TSGA10: variants seen among roughly 807,000 people sequenced by gnomAD.
The protein encoded by TSGA10 is testis specific 10.
TSGA10 carries 43 observed loss-of-function variants against 96.6 expected under a neutral mutation model. The observed-to-expected ratio is 0.44, with a 90% CI of 0.35 to 0.57. TSGA10 has a LOEUF of 0.57. Among genes scored for constraint, TSGA10 ranks in the 20% least tolerant of loss-of-function variants. TSGA10 has a pLI of 0.01. For missense variants in TSGA10, 703 were observed against 834.4 expected (o/e 0.84, Z 1.94); for synonymous variants, 229 against 269.9 (o/e 0.85, Z 1.48).
At chr2:99,034,070 T>C (rs1394264577) in intron 17 of TSGA10, among the ~76,000 whole-genome samples, 2 of 152,170 alleles carry the variant, frequency 1.3e-5, no homozygotes, top group African/African-American at 4.8e-5. Flanking sequence ...TTTGTGAATA[T>C]GCTAGGTGAA....
intron 17 of TSGA10, among the ~76,000 whole-genome samples, chr2:99,032,990 C>T (rs897951411): frequency 6.6e-6 from 1 of 152,228 alleles, no homozygotes; most frequent in Non-Finnish European, 1.5e-5. Context: ...TGCCAACCAA[C>T]ATCACAGTTG....
At chr2:99,041,231 C>T (rs1026850063) in intron 16 of TSGA10, among the ~76,000 whole-genome samples, 3 of 152,232 alleles carry the variant, frequency 2.0e-5, no homozygotes, top group African/African-American at 7.2e-5. Context: ...TTTTCCTTTG[C>T]TCAAGTGTGC....
intron 12 of TSGA10, among the ~76,000 whole-genome samples, chr2:99,075,043 T>TA (rs929916343): frequency 6.0e-5 from 9 of 151,202 alleles, no homozygotes; most frequent in East Asian, 5.8e-4. Flanking sequence ...AAGTGCATCT[T>TA]AAAAAAAAAT....
At chr2:99,138,120 T>C (rs773860675) in intron 1 of TSGA10, among the ~76,000 whole-genome samples, 1 of 152,224 alleles carries the variant, frequency 6.6e-6, no homozygotes, top group Non-Finnish European at 1.5e-5. Flanking sequence ...GCAGCCTGAA[T>C]GGACTAAGAT....
rs759778405 is a variant in TSGA10 at position 99,018,492 on chromosome 2, T to C, written c.1922+44A>G. ...GTTACCTAAGAAACAATGCTTTCCATGCTGAAAAGCATTGTTTTTGAGCTT... is the reference window on the plus strand; with the variant it reads ...GTTACCTAAGAAACAATGCTTTCCACGCTGAAAAGCATTGTTTTTGAGCTT... On this transcript the variant is annotated intron_variant, in intron 19 of 20. Coordinates refer to ENST00000393483, the MANE Select transcript of TSGA10 (RefSeq NM_025244.4). 1.9e-6 allele frequency: 3 copies of C among 1,583,462 alleles called. No homozygotes were observed. In the Admixed American group the frequency reaches 5.3e-5, roughly 28 times the overall value.
intron 20 of TSGA10, 129 bp downstream of exon 20, chr2:99,018,071 A>T: frequency 1.3e-6 from 1 of 773,662 alleles, no homozygotes; most frequent in East Asian, 2.8e-5. Flanking sequence ...TTATATCAAT[A>T]TATCTTGGTA....
intron 16 of TSGA10, among the ~76,000 whole-genome samples, chr2:99,055,102 A>T (rs373765481): frequency 6.6e-6 from 1 of 152,200 alleles, no homozygotes; most frequent in East Asian, 1.9e-4. Context: ...TATGGAATCA[A>T]CCTAAGTGTC....
At chr2:99,005,443 G>C (rs2078377997) in intron 20 of TSGA10, among the ~76,000 whole-genome samples, 1 of 152,154 alleles carries the variant, frequency 6.6e-6, no homozygotes, top group African/African-American at 2.4e-5. Flanking sequence ...CTTCAGCAAA[G>C]TCTCAGGATA....
At chr2:99,068,466 A>G (rs2045057) in intron 15 of TSGA10, among the ~76,000 whole-genome samples, 53,363 of 152,012 alleles carry the variant, frequency 0.35, 10,709 homozygotes, top group African/African-American at 0.55. Context: ...CTAACAGAGA[A>G]GTGTGAGGAG....
intron 1 of TSGA10, 48 bp from the exon 2 acceptor site, chr2:99,127,224 G>A (rs2092874326): frequency 8.6e-7 from 1 of 1,158,288 alleles, no homozygotes; most frequent in Non-Finnish European, 1.1e-6. Context: ...GTTTAAAACA[G>A]CTCTGTGATT....
chr2:99,067,080 C>T (rs758517104), intron 15 of TSGA10, among the ~76,000 whole-genome samples: 1 of 152,182 alleles, frequency 6.6e-6, no homozygotes, highest in Non-Finnish European at 1.5e-5. Context: ...TTTCTTACCT[C>T]TCCTTTATCA....
At position 99,130,605 on chromosome 2, in the gene TSGA10, T is replaced by C. The variant is rs1559111439; in HGVS notation, c.-620-3429A>G. ...TCACTCTGATGATAGTTTCTTTTGC[T>C]GTACAGAAGCTCTTTAGTTTAATTA... On this transcript the variant is annotated intron_variant, in intron 1 of 20. Coordinates refer to ENST00000393483, the MANE Select transcript of TSGA10 (RefSeq NM_025244.4). Among the ~76,000 whole-genome samples the C allele has an allele frequency of 1.3e-5, 2 of 152,206 alleles. 1 individual carries two copies. Among genetic ancestry groups the C allele is most frequent in the South Asian group, 4.1e-4 (2 of 4,834 alleles).
chr2:99,114,494 T>G lies in TSGA10; in HGVS notation c.-140+3050A>C, dbSNP rs142546649. Among the ~76,000 whole-genome samples, 12 of 152,286 alleles carry G rather than the reference T, an allele frequency of 7.9e-5. No individual in the cohort carries two copies. The East Asian group carries it at 2.1e-3, about 27-fold the overall frequency. On this transcript the variant is annotated intron_variant, in intron 4 of 20. Transcript: ENST00000393483. The stretch of plus-strand genomic sequence containing the variant: ...TTAAGTTTCTGATGTTTTTCCTGTG[T>G]CAGCAATGGTATCTCTACTCCAAGA...
chr2:99,094,040 G>A (rs2089696394), intron 10 of TSGA10, among the ~76,000 whole-genome samples: 1 of 152,156 alleles, frequency 6.6e-6, no homozygotes, highest in Admixed American at 6.6e-5. Flanking sequence ...GCATGGTACT[G>A]ATATAAAAAT....
At chr2:99,065,933 C>T (rs1184946641) in intron 15 of TSGA10, among the ~76,000 whole-genome samples, 1 of 151,882 alleles carries the variant, frequency 6.6e-6, no homozygotes, top group Non-Finnish European at 1.5e-5. Flanking sequence ...TATAATAGAC[C>T]GAGTAATCAT....
intron 1 of TSGA10, among the ~76,000 whole-genome samples, chr2:99,129,837 T>TC (rs2092995285): frequency 6.6e-6 from 1 of 152,196 alleles, no homozygotes; most frequent in East Asian, 1.9e-4. Context: ...CCTCCCTGTG[T>TC]CCATGAGTTC....
rs767186084 is a variant in TSGA10, at chr2:99,127,181, T to A, written c.-620-5A>T. 1 of 1,278,268 alleles carries A rather than the reference T, an allele frequency of 7.8e-7. No homozygotes were observed. Among genetic ancestry groups the A allele is most frequent in the South Asian group, 1.3e-5 (1 of 78,340 alleles). 79.2% of individuals were successfully genotyped at this position (1,278,268 alleles called of 1,614,324 possible). ...ATCATATTCTTTGGTGGTAACCTAG[T>A]ACAAAGAATGGGAAATAATACAGAG... On this transcript the variant is annotated splice_region_variant and splice_polypyrimidine_tract_variant and intron_variant, in intron 1 of 20. Transcript: ENST00000393483.
Position 99,104,948 on chromosome 2 carries a change from A to G in TSGA10, c.459+411T>C, listed in dbSNP as rs77693139. On this transcript the variant is annotated intron_variant, in intron 9 of 20. Transcript: ENST00000393483. ...GATTAGGAAAAAGGTGATGTTTCAC[A>G]TTTAAATTTAGTTTAAATAAACTTT... 2.8e-3 allele frequency among the ~76,000 whole-genome samples: 423 copies of G among 152,340 alleles called. 5 individuals carry two copies. The highest frequency in any genetic ancestry group is 0.02 in the East Asian group (105 of 5,190).
chr2:99,063,104 A>G (rs1005307125), intron 16 of TSGA10, among the ~76,000 whole-genome samples: 5 of 152,232 alleles, frequency 3.3e-5, no homozygotes, highest in Admixed American at 3.3e-4. Context: ...TATTTTTATG[A>G]CAAAGTAGAC....
Sources: allele counts gnomAD v4.1 joint callset (sites outside exome capture counted in the v4.1 genomes callset), GRCh38; gene constraint gnomAD v4.1.1; transcripts MANE v1.5; gene names NCBI Gene and HGNC (gene_info 2026-07-23, HGNC 2026-07-21).